NAALADL2: variants seen among roughly 807,000 people sequenced by gnomAD.
NAALADL2 encodes the protein inactive N-acetylated-alpha-linked acidic dipeptidase-like protein 2.
In NAALADL2, 76 loss-of-function variants were observed where a neutral mutation model predicts 87.2. That is an observed-to-expected ratio of 0.87 (90% confidence interval 0.72 to 1.05). The LOEUF is 1.05. Among genes scored for constraint, NAALADL2 ranks in the 50% least tolerant of loss-of-function variants. The pLI, the probability that NAALADL2 is intolerant of heterozygous loss-of-function variation, is 0.00. For synonymous variants in NAALADL2, 354 were observed against 331.0 expected, an observed-to-expected ratio of 1.07 and a Z score of -0.75; for missense variants, 1,089 against 945.8, an observed-to-expected ratio of 1.15 and a Z score of -1.99.
chr3:174,831,686 C>A (rs1005246125), intron 3 of NAALADL2, among the ~76,000 whole-genome samples: 3 of 151,096 alleles, frequency 2.0e-5, no homozygotes, highest in African/African-American at 7.3e-5. Context: ...AGGAATGGTA[C>A]CAGTTCCTCC....
intron 2 of NAALADL2, among the ~76,000 whole-genome samples, chr3:175,144,361 G>A (rs1730455474): frequency 1.3e-5 from 2 of 151,868 alleles, no homozygotes; most frequent in African/African-American, 4.8e-5. Context: ...TTTTAAGATT[G>A]ATTGGAAAAC....
In NAALADL2 at chr3:175,644,419, ATGT is replaced by A. The variant is rs781335002; in HGVS notation, c.1896+17036_1896+17038del. Among the ~76,000 whole-genome samples, 7 of 152,166 alleles carry A rather than the reference ATGT, an allele frequency of 4.6e-5. No homozygotes were observed. The East Asian group carries it at 7.7e-4, about 17-fold the overall frequency. On this transcript the variant is annotated intron_variant, in intron 11 of 13. Coordinates refer to ENST00000454872, the MANE Select transcript of NAALADL2 (RefSeq NM_207015.3). ...TTTCACACTTATTTAATCTACCATG[ATGT>A]TGATGATACTGAGGATAATTGTGAT... is the stretch of plus-strand genomic sequence containing the variant.
At chr3:175,616,623 C>T (rs986057570) in intron 10 of NAALADL2, among the ~76,000 whole-genome samples, 4 of 152,070 alleles carry the variant, frequency 2.6e-5, no homozygotes, top group Non-Finnish European at 4.4e-5. Context: ...TCTGCAATGC[C>T]GTGACCTCTG....
chr3:174,996,378 T>C (rs959210096), intron 1 of NAALADL2, among the ~76,000 whole-genome samples: 3 of 151,986 alleles, frequency 2.0e-5, no homozygotes, highest in East Asian at 3.9e-4. Flanking sequence ...GTGCCTGTAG[T>C]CTCAGCTACT....
chr3:175,375,764 AAT>A (rs933332601), intron 5 of NAALADL2, among the ~76,000 whole-genome samples: 1 of 152,102 alleles, frequency 6.6e-6, no homozygotes, highest in African/African-American at 2.4e-5. Flanking sequence ...CCTAAATATT[AAT>A]ATGTTTGCCT....
intron 1 of NAALADL2, among the ~76,000 whole-genome samples, chr3:174,996,128 T>C (rs762665085): frequency 6.6e-6 from 1 of 152,316 alleles, no homozygotes; most frequent in East Asian, 1.9e-4. Context: ...ACTTATGTTG[T>C]ATACAAATAT....
At chr3:174,741,516 A>G (rs565741449) in intron 3 of NAALADL2, among the ~76,000 whole-genome samples, 3 of 151,726 alleles carry the variant, frequency 2.0e-5, no homozygotes, top group Non-Finnish European at 3.0e-5. Context: ...CTGAAATTAT[A>G]TTGTTATTTT....
At chr3:175,150,046 T>C (rs768985924) in intron 2 of NAALADL2, among the ~76,000 whole-genome samples, 1 of 152,186 alleles carries the variant, frequency 6.6e-6, no homozygotes, top group Non-Finnish European at 1.5e-5. Context: ...CCTCAGGTAT[T>C]AGAAAGAGGC....
Position 175,234,201 on chromosome 3 carries a change from C to G in NAALADL2, c.816C>G (p.Leu272=). 1 of 1,613,068 alleles carries G rather than the reference C, an allele frequency of 6.2e-7. No homozygotes were observed. Among genetic ancestry groups the G allele is most frequent in the Non-Finnish European group, 8.5e-7 (1 of 1,179,408 alleles). ...CAGCCTATTCTGCCAAAGGAACTCT[C>G]AAGGTAATATGACCATTTGTCTCTG... The part of the protein sequence containing the change: ...SYAAYSAKGT[L]KAEVIDVSYG... Residue 272 remains leucine, a synonymous_variant, in exon 3 of 14, where the codon CTC becomes CTG. Coordinates refer to ENST00000454872, the MANE Select transcript of NAALADL2 (RefSeq NM_207015.3).
intron 9 of NAALADL2, among the ~76,000 whole-genome samples, chr3:175,481,335 C>CTGTA (rs142724515): frequency 1.4e-5 from 2 of 143,904 alleles, no homozygotes; most frequent in African/African-American, 5.1e-5. Context: ...AACAATGCCA[C>CTGTA]TGTGTGTGTG....
chr3:174,936,836 T>G lies in NAALADL2; in HGVS notation c.43+77386T>G, dbSNP rs573629649. Among the ~76,000 whole-genome samples the G allele has an allele frequency of 1.4e-4, 21 of 152,238 alleles. No homozygotes were observed. In the South Asian group the frequency reaches 4.1e-3, roughly 30 times the overall value. The stretch of plus-strand genomic sequence containing the variant: ...GGTTGCTATTTATTGTCTTTGGTGC[T>G]GGAGAGAAAGAGAGTTTGCAGAGGG... On this transcript the variant is annotated intron_variant, in intron 1 of 13. Coordinates refer to ENST00000454872, the MANE Select transcript of NAALADL2 (RefSeq NM_207015.3).
intron 11 of NAALADL2, among the ~76,000 whole-genome samples, chr3:175,668,003 A>G (rs990507853): frequency 6.6e-6 from 1 of 152,108 alleles, no homozygotes; most frequent in Non-Finnish European, 1.5e-5. Context: ...TGCGCCCATC[A>G]TCACACAGCA....
intron 9 of NAALADL2, among the ~76,000 whole-genome samples, chr3:175,493,813 T>G (rs543750019): frequency 6.6e-6 from 1 of 152,122 alleles, no homozygotes; most frequent in Non-Finnish European, 1.5e-5. Context: ...TTAAAAACTA[T>G]TGTCGGAACT....
intron 9 of NAALADL2, among the ~76,000 whole-genome samples, chr3:175,565,829 C>CT (rs34325475): frequency 0.015 from 1,669 of 114,892 alleles, 123 homozygotes; most frequent in African/African-American, 0.053. Flanking sequence ...AGCCCCCCCC[C>CT]TTTTTTTTTT....
intron 1 of NAALADL2, among the ~76,000 whole-genome samples, chr3:174,904,602 A>G (rs866083317): frequency 1.3e-4 from 19 of 151,988 alleles, no homozygotes; most frequent in South Asian, 2.1e-4. Context: ...AAAGTAATAG[A>G]TTGTAAATAC....
chr3:174,857,477 G>A (rs1725984042), upstream of NAALADL2, among the ~76,000 whole-genome samples: 1 of 151,968 alleles, frequency 6.6e-6, no homozygotes, highest in African/African-American at 2.4e-5. Flanking sequence ...ATAGATAATG[G>A]GTGCTTTATA....
At chr3:174,867,800 G>A (rs1522999) in intron 1 of NAALADL2, among the ~76,000 whole-genome samples, 27,150 of 151,844 alleles carry the variant, frequency 0.18, 2,564 homozygotes, top group East Asian at 0.3. Context: ...CTTTTTTCAA[G>A]AATAATAATA....
At chr3:175,266,712 G>A (rs1350755408) in intron 4 of NAALADL2, among the ~76,000 whole-genome samples, 2 of 151,698 alleles carry the variant, frequency 1.3e-5, no homozygotes, top group African/African-American at 4.8e-5. Context: ...GTCATAGAAT[G>A]AAATTCAGAA....
At chr3:175,591,377 T>C (rs1225774403) in intron 10 of NAALADL2, among the ~76,000 whole-genome samples, 1 of 152,152 alleles carries the variant, frequency 6.6e-6, no homozygotes, top group African/African-American at 2.4e-5. Context: ...AACTAGTTTA[T>C]GTTTCTGAAA....
Sources: gnomAD v4.1 joint callset for allele counts (sites outside exome capture counted in the v4.1 genomes callset) on GRCh38, gnomAD v4.1.1 for gene constraint, MANE v1.5 for transcripts, NCBI Gene and HGNC (gene_info 2026-07-23, HGNC 2026-07-21) for gene names.